Variants in NALF1 observed in about 807,000 individuals in gnomAD.
NALF1 encodes family with sequence similarity 155 member A.
NALF1 carries 3 observed loss-of-function variants against 48.4 expected under a neutral mutation model. The observed-to-expected ratio is 0.06, with a 90% confidence interval of 0.03 to 0.16. NALF1 has a LOEUF of 0.16. NALF1 is among the 10% of genes least tolerant of loss of function. The pLI, the probability that NALF1 is intolerant of heterozygous loss-of-function variation, is 1.00. For synonymous variants in NALF1, 262 were observed against 245.7 expected, an observed-to-expected ratio of 1.07 and a Z score of -0.62; for missense variants, 526 against 571.5, an observed-to-expected ratio of 0.92 and a Z score of 0.81.
chr13:107,188,363 A>AT (rs1879219174), intron 2 of NALF1, among the ~76,000 whole-genome samples: 1 of 152,120 alleles, frequency 6.6e-6, no homozygotes. Context: ...GAATTTGCTA[A>AT]TTTTCTAGGG....
At chr13:107,382,157 T>G (rs900597327) in intron 1 of NALF1, among the ~76,000 whole-genome samples, 6 of 152,346 alleles carry the variant, frequency 3.9e-5, no homozygotes, top group South Asian at 2.1e-4. Context: ...TTCTTCAAAT[T>G]TATAACATTT....
intron 1 of NALF1, chr13:107,466,589 G>A (rs1203058828): frequency 7.1e-6 from 1 of 140,708 alleles, no homozygotes; most frequent in African/African-American, 2.4e-5. Context: ...CCTGCTTCCA[G>A]GTAGGACAAC....
At chr13:107,644,525 AC>A (rs2138461594) in intron 1 of NALF1, among the ~76,000 whole-genome samples, 1 of 151,322 alleles carries the variant, frequency 6.6e-6, no homozygotes, top group African/African-American at 2.4e-5. Flanking sequence ...TTTCTACTCA[AC>A]CACTCTCCAC....
intron 1 of NALF1, among the ~76,000 whole-genome samples, chr13:107,717,303 G>A (rs1339594923): frequency 6.6e-6 from 1 of 152,152 alleles, no homozygotes; most frequent in Non-Finnish European, 1.5e-5. Context: ...CAAGTGTGGT[G>A]CCCCAATCGG....
At chr13:107,469,416 C>A (rs1885060165) in intron 1 of NALF1, among the ~76,000 whole-genome samples, 2 of 152,124 alleles carry the variant, frequency 1.3e-5, no homozygotes, top group African/African-American at 4.8e-5. Flanking sequence ...ATGGAAGTGT[C>A]CACCATGTGG....
intron 1 of NALF1, among the ~76,000 whole-genome samples, chr13:107,779,275 T>C (rs114029742): frequency 0.018 from 2,749 of 152,322 alleles, 66 homozygotes; most frequent in African/African-American, 0.063. Flanking sequence ...GCCATTTTAA[T>C]CCTGCCAAAG....
intron 1 of NALF1, among the ~76,000 whole-genome samples, chr13:107,743,082 T>C (rs1361559454): frequency 6.6e-6 from 1 of 152,124 alleles, no homozygotes; most frequent in Non-Finnish European, 1.5e-5. Context: ...TGGGAGTACT[T>C]TGACAGGGAG....
intron 1 of NALF1, among the ~76,000 whole-genome samples, chr13:107,580,588 T>G (rs1280960848): frequency 6.6e-6 from 1 of 152,168 alleles, no homozygotes; most frequent in Non-Finnish European, 1.5e-5. Context: ...ATTTTCGGTA[T>G]GTCAGATTTT....
intron 1 of NALF1, among the ~76,000 whole-genome samples, chr13:107,798,672 C>A (rs995224276): frequency 7.2e-5 from 11 of 152,120 alleles, no homozygotes; most frequent in Admixed American, 2.0e-4. Context: ...ACCAAAAATT[C>A]TATCAGTTTG....
At position 107,478,697 on chromosome 13, in the gene NALF1, G is replaced by A. The variant is rs551115120; in HGVS notation, c.916-267942C>T. ...TTAAACCACTGTGCTGTACTTAATC[G>A]CTGGTAGGGATAAATGCTTATATTT... is the stretch of plus-strand genomic sequence containing the variant. On this transcript the variant is annotated intron_variant, in intron 1 of 2. Coordinates refer to ENST00000375915, the MANE Select transcript of NALF1 (RefSeq NM_001080396.3). Among the ~76,000 whole-genome samples, 13 of 152,158 alleles carry A rather than the reference G, an allele frequency of 8.5e-5. No individual in the cohort carries two copies. In the South Asian group the frequency reaches 2.5e-3, roughly 29 times the overall value.
At chr13:107,525,839 T>C (rs1403112140) in intron 1 of NALF1, among the ~76,000 whole-genome samples, 3 of 152,144 alleles carry the variant, frequency 2.0e-5, no homozygotes, top group African/African-American at 4.8e-5. Context: ...TTTAAATCAT[T>C]CTAATGGGTT....
intron 1 of NALF1, among the ~76,000 whole-genome samples, chr13:107,862,601 C>A (rs979607355): frequency 1.3e-5 from 2 of 151,824 alleles, no homozygotes; most frequent in Non-Finnish European, 2.9e-5. Context: ...CATATATTTA[C>A]ATTTATCAGA....
At chr13:107,214,677 C>A (rs1173180386) in intron 1 of NALF1, among the ~76,000 whole-genome samples, 2 of 152,182 alleles carry the variant, frequency 1.3e-5, no homozygotes, top group Non-Finnish European at 2.9e-5. Flanking sequence ...CTGGAAATGA[C>A]TTATTGACTG....
chr13:107,728,455 T>G (rs1876218161), intron 1 of NALF1, among the ~76,000 whole-genome samples: 1 of 151,842 alleles, frequency 6.6e-6, no homozygotes, highest in African/African-American at 2.4e-5. Flanking sequence ...CACCACATCT[T>G]CTCACTCATA....
At chr13:107,433,685 A>T (rs1466531923) in intron 1 of NALF1, among the ~76,000 whole-genome samples, 1 of 152,198 alleles carries the variant, frequency 6.6e-6, no homozygotes, top group Admixed American at 6.5e-5. Context: ...TCAAAAAAAA[A>T]AACTTCTAAT....
intron 1 of NALF1, among the ~76,000 whole-genome samples, chr13:107,769,690 T>TAAAA (rs71121554): frequency 6.8e-6 from 1 of 147,046 alleles, no homozygotes; most frequent in Non-Finnish European, 1.5e-5. Context: ...TAAAGTATAA[T>TAAAA]AAAAAAAAAA....
rs1878705062 is a variant in NALF1 at position 107,168,124 on chromosome 13, T to C, written c.*2373A>G. 1 of 152,282 alleles carries C rather than the reference T, an allele frequency of 6.6e-6. No homozygotes were observed. Among genetic ancestry groups the C allele is most frequent in the Non-Finnish European group, 1.5e-5 (1 of 68,042 alleles). The allele number at this position is 152,282 out of a possible 1,614,324, so 9.4% of individuals were successfully genotyped here. On this transcript the variant is annotated 3_prime_UTR_variant, in exon 3 of 3. Coordinates refer to ENST00000375915, the MANE Select transcript of NALF1 (RefSeq NM_001080396.3). The stretch of plus-strand genomic sequence containing the variant: ...GCTGAAGAGATGGTGAGATGGCACA[T>C]GGAGTGGCCTTACCACAGCAGAGGT...
At chr13:107,507,602 A>G (rs1214478789) in intron 1 of NALF1, among the ~76,000 whole-genome samples, 1 of 51,890 alleles carries the variant, frequency 1.9e-5, no homozygotes, top group Non-Finnish European at 7.8e-5. Context: ...ATTAAAAAAA[A>G]AAAAAAAAAA....
At chr13:107,276,117 C>T (rs1017454411) in intron 1 of NALF1, among the ~76,000 whole-genome samples, 11 of 152,170 alleles carry the variant, frequency 7.2e-5, no homozygotes, top group Non-Finnish European at 1.2e-4. Flanking sequence ...CATCCCACCC[C>T]TTCTGCCATA....
Sources: gnomAD v4.1 joint callset for allele counts (sites outside exome capture counted in the v4.1 genomes callset) on GRCh38, gnomAD v4.1.1 for gene constraint, MANE v1.5 for transcripts, NCBI Gene and HGNC (gene_info 2026-07-23, HGNC 2026-07-21) for gene names.